NEDD4L: variants seen among roughly 807,000 people sequenced by gnomAD.
NEDD4L encodes the protein E3 ubiquitin-protein ligase NEDD4-like.
In NEDD4L, 54 loss-of-function variants were observed where a neutral mutation model predicts 148.9. The ratio of observed to expected loss-of-function variants is 0.36; its 90% CI spans 0.29 to 0.45. The LOEUF (loss-of-function observed/expected upper bound fraction) is 0.45. Among genes scored for constraint, NEDD4L ranks in the 20% least tolerant of loss-of-function variants. The pLI, the probability that NEDD4L is intolerant of heterozygous loss-of-function variation, is 1.00. For synonymous variants in NEDD4L, 433 were observed against 440.7 expected, an observed-to-expected ratio of 0.98 and a Z score of 0.22; for missense variants, 856 against 1,233.8, an observed-to-expected ratio of 0.69 and a Z score of 4.59.
At chr18:58,148,732 G>T (rs2034369467) in intron 1 of NEDD4L, among the ~76,000 whole-genome samples, 1 of 152,228 alleles carries the variant, frequency 6.6e-6, no homozygotes, top group South Asian at 2.1e-4. Context: ...TCCAAATACA[G>T]TCACATTCCA....
chr18:58,123,323 G>C (rs898540202), intron 1 of NEDD4L, among the ~76,000 whole-genome samples: 1 of 152,080 alleles, frequency 6.6e-6, no homozygotes, highest in South Asian at 2.1e-4. Flanking sequence ...CTAGAACCCT[G>C]ATCTCAGGCA....
rs564450011 is a variant in NEDD4L at position 58,167,301 on chromosome 18, T to C, written c.122+1440T>C. Among the ~76,000 whole-genome samples, 4 of 152,266 alleles carry C rather than the reference T, an allele frequency of 2.6e-5. No homozygotes were observed. The East Asian group carries it at 7.7e-4, about 29-fold the overall frequency. ...TGCACTCATGCAAGGATAAGCCAGG[T>C]CTCTAGGCATGGGCAGAAGGATCCC... On this transcript the variant is annotated intron_variant, in intron 2 of 30. Transcript: ENST00000400345.
chr18:58,325,185 G>A, intron 9 of NEDD4L, 23 bp downstream of exon 9: 1 of 1,612,808 alleles, frequency 6.2e-7, no homozygotes, highest in Non-Finnish European at 8.5e-7. Flanking sequence ...TGATGGTCAG[G>A]AACACGTGCA....
chr18:58,272,494 G>A (rs934853830), intron 5 of NEDD4L, among the ~76,000 whole-genome samples: 3 of 152,036 alleles, frequency 2.0e-5, no homozygotes, highest in Non-Finnish European at 1.5e-5. Context: ...CAAATTGGCC[G>A]GTATGTGCCT....
chr18:58,104,850 GC>G (rs1023807459), intron 1 of NEDD4L, among the ~76,000 whole-genome samples: 1 of 107,530 alleles, frequency 9.3e-6, no homozygotes, highest in Non-Finnish European at 1.9e-5. Flanking sequence ...CTACACCCCC[GC>G]CCCCCAACCA....
At chr18:58,255,619 C>A (rs2048420755) in intron 5 of NEDD4L, 6 of 1,232,354 alleles carry the variant, frequency 4.9e-6, no homozygotes, top group African/African-American at 4.7e-5. Context: ...TTGCCCTAGC[C>A]CTCCTGGCCC....
intron 1 of NEDD4L, among the ~76,000 whole-genome samples, chr18:58,089,326 G>A (rs2083934105): frequency 6.6e-6 from 1 of 151,928 alleles, no homozygotes; most frequent in Non-Finnish European, 1.5e-5. Context: ...GTAGAGATGG[G>A]CTTTCACCAT....
intron 2 of NEDD4L, among the ~76,000 whole-genome samples, chr18:58,211,476 CCTT>C (rs1454956892): frequency 6.6e-6 from 1 of 152,146 alleles, no homozygotes; most frequent in Admixed American, 6.5e-5. Flanking sequence ...ATACCTGTAA[CCTT>C]CTTAGTGAAG....
At position 58,385,606 on chromosome 18, in the gene NEDD4L, G is replaced by T. The variant is rs764236649; in HGVS notation, c.2487+20G>T. On this transcript the variant is annotated intron_variant, in intron 26 of 30. Coordinates refer to ENST00000400345, the MANE Select transcript of NEDD4L (RefSeq NM_001144967.3). ...TTGGAGGTAAGCCATGCTGGCCAGG[G>T]TTCTCTGCCATGTGCCTCTGGTCCC... The T allele has an allele frequency of 7.5e-6, 12 of 1,606,800 alleles. No homozygotes were observed. Among genetic ancestry groups the T allele is most frequent in the African/African-American group, 2.7e-5 (2 of 74,772 alleles).
At chr18:58,124,506 C>T (rs1449200777) in intron 1 of NEDD4L, among the ~76,000 whole-genome samples, 3 of 152,238 alleles carry the variant, frequency 2.0e-5, no homozygotes, top group Non-Finnish European at 4.4e-5. Context: ...TTCCAACACT[C>T]TCTGTAAGTG....
At chr18:58,149,921 T>A (rs1357454940) in intron 1 of NEDD4L, among the ~76,000 whole-genome samples, 1 of 152,240 alleles carries the variant, frequency 6.6e-6, no homozygotes, top group Non-Finnish European at 1.5e-5. Flanking sequence ...TCTTACACTA[T>A]ATAGTGAGAA....
intron 2 of NEDD4L, among the ~76,000 whole-genome samples, chr18:58,214,415 A>G (rs2042922784): frequency 6.6e-6 from 1 of 152,222 alleles, no homozygotes; most frequent in Non-Finnish European, 1.5e-5. Context: ...ATGTACACTC[A>G]GAGGGCCACT....
intron 1 of NEDD4L, 55 bp downstream of exon 1, chr18:58,044,763 C>T (rs1598898543): frequency 1.3e-6 from 2 of 1,584,002 alleles, no homozygotes; most frequent in East Asian, 2.4e-5. Context: ...TATCCCGCGC[C>T]GGCAGGGGGA....
chr18:58,151,658 T>TGTGTGTG (rs60365242), intron 1 of NEDD4L, among the ~76,000 whole-genome samples: 4 of 151,148 alleles, frequency 2.6e-5, no homozygotes, highest in Admixed American at 6.6e-5. Context: ...TGTGTGTGTG[T>TGTGTGTG]TGGCTGGAGA....
At chr18:58,111,947 C>T (rs941595654) in intron 1 of NEDD4L, among the ~76,000 whole-genome samples, 6 of 152,316 alleles carry the variant, frequency 3.9e-5, no homozygotes, top group African/African-American at 1.4e-4. Flanking sequence ...CTCAACAACA[C>T]GTGTTGTCTG....
intron 1 of NEDD4L, among the ~76,000 whole-genome samples, chr18:58,074,578 G>A (rs1019812247): frequency 6.6e-6 from 1 of 151,286 alleles, no homozygotes; most frequent in African/African-American, 2.4e-5. Flanking sequence ...TGGCCACTAA[G>A]AATTTTTAAA....
chr18:58,329,715 G>A (rs1429261472), intron 10 of NEDD4L, among the ~76,000 whole-genome samples: 1 of 149,728 alleles, frequency 6.7e-6, no homozygotes, highest in Non-Finnish European at 1.5e-5. Flanking sequence ...TGGCCAGGCT[G>A]GTCTTGAACT....
intron 1 of NEDD4L, among the ~76,000 whole-genome samples, chr18:58,075,185 T>C (rs2083094777): frequency 6.6e-6 from 1 of 152,184 alleles, no homozygotes. Context: ...GGGGAAGTCA[T>C]TTTTTAGTTA....
At chr18:58,061,887 T>C (rs190577472) in intron 1 of NEDD4L, among the ~76,000 whole-genome samples, 4 of 152,086 alleles carry the variant, frequency 2.6e-5, no homozygotes, top group South Asian at 4.2e-4. Flanking sequence ...GAATGATATA[T>C]AGCTCTAAAT....
Sources: gnomAD v4.1 joint callset for allele counts (sites outside exome capture counted in the v4.1 genomes callset) on GRCh38, gnomAD v4.1.1 for gene constraint, MANE v1.5 for transcripts, NCBI Gene and HGNC (gene_info 2026-07-23, HGNC 2026-07-21) for gene names.